The following MIAT variants were observed in gnomAD, a reference collection of about 807,000 sequenced individuals.
The protein encoded by MIAT is MI related novel mRNA.
Position 26,660,685 on chromosome 22 carries a change from G to C in MIAT, n.647-2631G>C, listed in dbSNP as rs1007476. Reference sequence around the variant, plus strand: ...GTTTCCAATTTTTCTTTTCTTCTGCGTCTTCATTTTAAGGTCCTTTCTCTG... The same window carrying C: ...GTTTCCAATTTTTCTTTTCTTCTGCCTCTTCATTTTAAGGTCCTTTCTCTG... On this transcript the variant is annotated intron_variant and non_coding_transcript_variant, in intron 2 of 5. Transcript: ENST00000643270. The C allele has an allele frequency of 4.0e-5, 6 of 151,892 alleles. No homozygotes were observed. In the South Asian group the frequency reaches 1.2e-3, roughly 32 times the overall value. 9.4% of individuals were successfully genotyped at this position (151,892 alleles called of 1,614,324 possible).
chr22:26,675,184 T>A (rs763498466), exon 5 of MIAT: 26 of 398,748 alleles, frequency 6.5e-5, no homozygotes, highest in Non-Finnish European at 9.7e-5. Flanking sequence ...GAGGGAGGCA[T>A]CTAAGCTGAG....
At chr22:26,666,130 C>G (rs1013580868) in exon 4 of MIAT, 1 of 398,674 alleles carries the variant, frequency 2.5e-6, no homozygotes, top group Non-Finnish European at 4.4e-6. Flanking sequence ...CGGGTGCTGA[C>G]AGCAAGCTCT....
exon 5 of MIAT, chr22:26,676,004 C>T (rs139644504): frequency 2.1e-4 from 85 of 398,648 alleles, no homozygotes; most frequent in Non-Finnish European, 3.0e-4. Context: ...ACATTCTCTT[C>T]GACCCCTCCC....
Position 26,652,790 on chromosome 22 carries a change from T to C in MIAT, n.646+5479T>C, listed in dbSNP as rs550183876. On this transcript the variant is annotated intron_variant and non_coding_transcript_variant, in intron 2 of 5. Coordinates refer to ENST00000643270, the Ensembl canonical transcript of MIAT. ...AGAGAAGAGAGACTCAGGCTCCCCTTTCCTTGATATGTTGTCAGTGTCAGA... is the reference window on the plus strand; with the variant it reads ...AGAGAAGAGAGACTCAGGCTCCCCTCTCCTTGATATGTTGTCAGTGTCAGA... 4.6e-5 allele frequency among the ~76,000 whole-genome samples: 7 copies of C among 152,266 alleles called. 1 individual carries two copies. The highest frequency in any genetic ancestry group is 4.6e-4 in the Admixed American group (7 of 15,286).
exon 6 of MIAT, chr22:26,668,187 C>T (rs935467335): frequency 1.3e-5 from 5 of 398,550 alleles, no homozygotes; most frequent in Non-Finnish European, 2.2e-5. Context: ...ATCTCCAGGA[C>T]TCCTGGCCTG....
exon 5 of MIAT, chr22:26,675,251 A>G: frequency 2.5e-6 from 1 of 398,898 alleles, no homozygotes; most frequent in Non-Finnish European, 4.4e-6. Flanking sequence ...AGTGGTGGAC[A>G]CCAGTTTCTG....
At chr22:26,656,839 CG>C (rs151057042) in intron 2 of MIAT, among the ~76,000 whole-genome samples, 3 of 151,934 alleles carry the variant, frequency 2.0e-5, no homozygotes, top group Non-Finnish European at 2.9e-5. Context: ...CCCAGGAGTT[CG>C]GGGGGGTGCG....
chr22:26,666,646 G>C, exon 4 of MIAT: 1 of 398,678 alleles, frequency 2.5e-6, no homozygotes, highest in Non-Finnish European at 4.4e-6. Context: ...GAAACAGGGA[G>C]TGAGTGAAGG....
chr22:26,649,277 A>C (rs1322454150), intron 2 of MIAT, among the ~76,000 whole-genome samples: 1 of 152,152 alleles, frequency 6.6e-6, no homozygotes, highest in Non-Finnish European at 1.5e-5. Context: ...GTGGGATTCA[A>C]ATTTAGTTCT....
chr22:26,662,175 G>C (rs965234891), intron 2 of MIAT, among the ~76,000 whole-genome samples: 3 of 151,776 alleles, frequency 2.0e-5, no homozygotes, highest in African/African-American at 7.3e-5. Flanking sequence ...CAGGCTGATC[G>C]TGAACTCCTG....
intron 2 of MIAT, among the ~76,000 whole-genome samples, chr22:26,663,153 T>A (rs1477858375): frequency 6.6e-6 from 1 of 152,212 alleles, no homozygotes; most frequent in Non-Finnish European, 1.5e-5. Flanking sequence ...ACTGGCCTGA[T>A]CAAAATACCT....
Position 26,655,695 on chromosome 22 carries a change from T to C in MIAT, n.647-7621T>C, listed in dbSNP as rs528681792. Among the ~76,000 whole-genome samples the C allele has an allele frequency of 2.6e-5, 4 of 152,310 alleles. No homozygotes were observed. The East Asian group carries it at 5.8e-4, about 22-fold the overall frequency. ...ACCCGGAATAGTCTGGTTCTGAAGG[T>C]CGCTGGAATGTTCTAGCACAGTGGT... On this transcript the variant is annotated intron_variant and non_coding_transcript_variant, in intron 2 of 5. Transcript: ENST00000643270.
chr22:26,661,506 C>T (rs1163932811), intron 2 of MIAT, among the ~76,000 whole-genome samples: 1 of 152,046 alleles, frequency 6.6e-6, no homozygotes, highest in African/African-American at 2.4e-5. Flanking sequence ...CCCTAACTAC[C>T]ACTTTGTTAC....
chr22:26,661,422 G>A (rs1405588408), intron 2 of MIAT, among the ~76,000 whole-genome samples: 1 of 152,162 alleles, frequency 6.6e-6, no homozygotes, highest in Non-Finnish European at 1.5e-5. Flanking sequence ...GCTACCAGAT[G>A]AGTCATGGAA....
At chr22:26,660,269 C>T (rs1292855781) in intron 2 of MIAT, among the ~76,000 whole-genome samples, 1 of 150,818 alleles carries the variant, frequency 6.6e-6, no homozygotes, top group Admixed American at 6.6e-5. Context: ...GTCAGGAGTT[C>T]GAGACCAGCC....
downstream of MIAT, chr22:26,672,799 G>A: frequency 2.5e-6 from 1 of 398,650 alleles, no homozygotes. Context: ...TCTTTCCTAC[G>A]CTAAAAACCA....
chr22:26,672,715 T>C, downstream of MIAT: 1 of 399,006 alleles, frequency 2.5e-6, no homozygotes, highest in Non-Finnish European at 4.4e-6. Flanking sequence ...TCACCGGAAA[T>C]TAGCAGAGGG....
At chr22:26,663,259 G>C in intron 2 of MIAT, 1 of 398,478 alleles carries the variant, frequency 2.5e-6, no homozygotes, top group Non-Finnish European at 4.4e-6. Flanking sequence ...ATTCTCCACT[G>C]TACCCATGGG....
At chr22:26,665,353 G>T (rs138639389) in intron 3 of MIAT, 1 of 397,712 alleles carries the variant, frequency 2.5e-6, no homozygotes, top group Admixed American at 4.4e-5. Flanking sequence ...TTTCCTCCAG[G>T]TTTCTCTAGC....
Sources: gnomAD v4.1 joint callset for allele counts (sites outside exome capture counted in the v4.1 genomes callset) on GRCh38, gnomAD v4.1.1 for gene constraint, MANE v1.5 for transcripts, NCBI Gene and HGNC (gene_info 2026-07-23, HGNC 2026-07-21) for gene names.